Variants in GALNT17 observed in about 807,000 individuals in gnomAD.
GALNT17 encodes polypeptide N-acetylgalactosaminyltransferase 17, also known as UDP-GalNAc:polypeptide N-acetylgalactosaminyltransferase-like 3.
Under a neutral mutation model 63.7 loss-of-function variants are expected in GALNT17, and 29 were observed. The observed-to-expected ratio is 0.46, with a 90% confidence interval of 0.34 to 0.62. The LOEUF (loss-of-function observed/expected upper bound fraction) is 0.62, where lower values mean the gene tolerates loss of function less well. Ranked by LOEUF, GALNT17 falls within the 20% of genes least tolerant of loss-of-function variation. The pLI is 0.01. For synonymous variants in GALNT17, 305 were observed against 318.3 expected (o/e 0.96, Z 0.45); for missense variants, 603 against 799.6 (o/e 0.75, Z 2.97).
At position 71,230,402 on chromosome 7, in the gene GALNT17, A is replaced by G. The variant is rs527527233; in HGVS notation, c.238+97362A>G. On this transcript the variant is annotated intron_variant, in intron 1 of 10. Transcript: ENST00000333538. ...CAAAGAGGCTACCATAGCTCCAGGC[A>G]TGCAGCCCACGTTCAAGAAACAGGG... 7.2e-5 allele frequency among the ~76,000 whole-genome samples: 11 copies of G among 152,316 alleles called. No individual in the cohort carries two copies. The South Asian group carries it at 2.3e-3, about 32-fold the overall frequency.
At chr7:71,236,411 C>T (rs1789892173) in intron 1 of GALNT17, among the ~76,000 whole-genome samples, 1 of 152,130 alleles carries the variant, frequency 6.6e-6, no homozygotes, top group Non-Finnish European at 1.5e-5. Context: ...TCAGCAATAC[C>T]ATTGTCCTCA....
intron 1 of GALNT17, among the ~76,000 whole-genome samples, chr7:71,311,312 G>C (rs1791410216): frequency 6.6e-6 from 1 of 152,168 alleles, no homozygotes; most frequent in Middle Eastern, 3.2e-3. Context: ...CTCTAGGTTT[G>C]GCAGGCCGAC....
intron 5 of GALNT17, among the ~76,000 whole-genome samples, chr7:71,458,385 G>A (rs898260763): frequency 1.1e-4 from 17 of 152,180 alleles, no homozygotes; most frequent in Non-Finnish European, 2.4e-4. Flanking sequence ...AGGAGCGGGG[G>A]CGAGTGCTTT....
chr7:71,683,426 G>A (rs1005325047), intron 9 of GALNT17, among the ~76,000 whole-genome samples: 2 of 152,176 alleles, frequency 1.3e-5, no homozygotes, highest in Non-Finnish European at 2.9e-5. Context: ...CAGAGCTCCT[G>A]TAACCAGGCG....
intron 1 of GALNT17, among the ~76,000 whole-genome samples, chr7:71,256,270 A>G (rs538509076): frequency 1.5e-4 from 23 of 152,260 alleles, no homozygotes; most frequent in African/African-American, 5.5e-4. Flanking sequence ...TCTCCCTACA[A>G]TGTATAAAAC....
At chr7:71,175,997 A>G (rs1303751859) in intron 1 of GALNT17, among the ~76,000 whole-genome samples, 2 of 152,156 alleles carry the variant, frequency 1.3e-5, no homozygotes, top group Admixed American at 6.5e-5. Flanking sequence ...ATCACTTGTA[A>G]TGGCTCAAAT....
intron 1 of GALNT17, among the ~76,000 whole-genome samples, chr7:71,289,346 A>G (rs1007992596): frequency 2.0e-5 from 3 of 152,160 alleles, no homozygotes; most frequent in African/African-American, 7.2e-5. Flanking sequence ...ACACGTAAAT[A>G]CAGAGATATA....
At chr7:71,322,165 G>A (rs1435450658) in intron 1 of GALNT17, among the ~76,000 whole-genome samples, 1 of 151,364 alleles carries the variant, frequency 6.6e-6, no homozygotes, top group Non-Finnish European at 1.5e-5. Flanking sequence ...TGTTGCCCAG[G>A]CTGGTCTCTA....
intron 6 of GALNT17, among the ~76,000 whole-genome samples, chr7:71,581,937 G>T (rs1789641956): frequency 6.6e-6 from 1 of 152,140 alleles, no homozygotes; most frequent in Admixed American, 6.5e-5. Context: ...CCTGGAGTCT[G>T]CAAGGCCACA....
chr7:71,652,677 G>A (rs377737966), intron 6 of GALNT17, among the ~76,000 whole-genome samples: 10 of 152,186 alleles, frequency 6.6e-5, no homozygotes, highest in African/African-American at 1.2e-4. Context: ...TAATTTATGC[G>A]TTAAATTTCC....
intron 5 of GALNT17, among the ~76,000 whole-genome samples, chr7:71,446,741 G>T (rs901943185): frequency 6.6e-6 from 1 of 152,090 alleles, no homozygotes; most frequent in Non-Finnish European, 1.5e-5. Flanking sequence ...TAGAGACAGG[G>T]TTTCACCACA....
At chr7:71,155,805 A>G (rs768019538) in intron 1 of GALNT17, among the ~76,000 whole-genome samples, 2 of 151,762 alleles carry the variant, frequency 1.3e-5, no homozygotes, top group Non-Finnish European at 2.9e-5. Context: ...TATTCTAATT[A>G]AGTAGAGTAG....
chr7:71,386,124 C>A (rs1233312063), intron 2 of GALNT17, among the ~76,000 whole-genome samples: 6 of 152,138 alleles, frequency 3.9e-5, no homozygotes, highest in African/African-American at 1.4e-4. Flanking sequence ...CCTGGCAGCC[C>A]CCAGAAGTAG....
At chr7:71,266,762 C>T (rs546550156) in intron 1 of GALNT17, among the ~76,000 whole-genome samples, 15 of 152,224 alleles carry the variant, frequency 9.9e-5, no homozygotes, top group Non-Finnish European at 2.1e-4. Context: ...GAAGTGCAAC[C>T]TGGAAGGCCA....
intron 5 of GALNT17, among the ~76,000 whole-genome samples, chr7:71,439,968 C>T (rs1787036249): frequency 8.3e-6 from 1 of 121,162 alleles, no homozygotes; most frequent in African/African-American, 3.2e-5. Context: ...TTTTTTGAGA[C>T]AGAATTTCAC....
At chr7:71,622,069 TTGGAA>T (rs1259319757) in intron 6 of GALNT17, among the ~76,000 whole-genome samples, 6 of 152,174 alleles carry the variant, frequency 3.9e-5, no homozygotes, top group Non-Finnish European at 8.8e-5. Flanking sequence ...TTTTGGTACT[TTGGAA>T]TGGTGGCCCT....
chr7:71,373,138 T>C (rs1411173054), intron 2 of GALNT17, among the ~76,000 whole-genome samples: 1 of 152,188 alleles, frequency 6.6e-6, no homozygotes. Context: ...GCCCATCTTG[T>C]CTTGAGCTGG....
In GALNT17 at chr7:71,239,524, G is replaced by A. The variant is rs113648351; in HGVS notation, c.239-96026G>A. On this transcript the variant is annotated intron_variant, in intron 1 of 10. Transcript: ENST00000333538. Reference sequence around the variant, plus strand: ...AAAATACTGTGTTCATGACTCAGTTGGGGTAATTTGTTATGCAGCAAGAGA... The same window carrying A: ...AAAATACTGTGTTCATGACTCAGTTAGGGTAATTTGTTATGCAGCAAGAGA... 2.5e-3 allele frequency among the ~76,000 whole-genome samples: 379 copies of A among 152,304 alleles called. 2 individuals are homozygous for A. Among genetic ancestry groups the A allele is most frequent in the African/African-American group, 8.2e-3 (343 of 41,580 alleles).
At chr7:71,700,135 T>TACA (rs761207910) in intron 9 of GALNT17, among the ~76,000 whole-genome samples, 57 of 151,374 alleles carry the variant, frequency 3.8e-4, no homozygotes, top group African/African-American at 1.0e-3. Context: ...CTACTAAAAA[T>TACA]ACAACAACAA....
Sources: gnomAD v4.1 joint callset for allele counts (sites outside exome capture counted in the v4.1 genomes callset) on GRCh38, gnomAD v4.1.1 for gene constraint, MANE v1.5 for transcripts, NCBI Gene and HGNC (gene_info 2026-07-23, HGNC 2026-07-21) for gene names.